Variants in TNIK observed in about 807,000 individuals in gnomAD.
TNIK encodes the protein TRAF2 and NCK interacting kinase.
Under a neutral mutation model 191.3 loss-of-function variants are expected in TNIK, and 49 were observed. The observed-to-expected ratio is 0.26, with a 90% CI of 0.20 to 0.32. TNIK has a LOEUF of 0.32. Ranked by LOEUF, TNIK falls within the 10% of genes least tolerant of loss-of-function variation. The pLI is 1.00. For synonymous variants in TNIK, 594 were observed against 600.9 expected, an observed-to-expected ratio of 0.99 and a Z score of 0.17; for missense variants, 1,155 against 1,702.3, an observed-to-expected ratio of 0.68 and a Z score of 5.66.
chr3:171,169,746 T>C (rs1277641236), intron 9 of TNIK, among the ~76,000 whole-genome samples: 1 of 152,240 alleles, frequency 6.6e-6, no homozygotes, highest in Non-Finnish European at 1.5e-5. Context: ...TGGAATAGTG[T>C]TCAAGTTTAA....
chr3:171,162,159 C>T (rs1577007133), intron 10 of TNIK, among the ~76,000 whole-genome samples: 2 of 152,004 alleles, frequency 1.3e-5, no homozygotes, highest in African/African-American at 2.4e-5. Flanking sequence ...CGGTGGTTCA[C>T]GCCTGTAATC....
At chr3:171,201,735 G>A (rs1449029429) in intron 4 of TNIK, among the ~76,000 whole-genome samples, 1 of 152,138 alleles carries the variant, frequency 6.6e-6, no homozygotes, top group Non-Finnish European at 1.5e-5. Flanking sequence ...AGTAAAGCTT[G>A]GGGATTTCAA....
At chr3:171,126,511 C>T (rs2108572833) in intron 16 of TNIK, among the ~76,000 whole-genome samples, 1 of 152,328 alleles carries the variant, frequency 6.6e-6, no homozygotes, top group Non-Finnish European at 1.5e-5. Context: ...AAACCCCTAA[C>T]TTTTACATTA....
chr3:171,208,320 C>T (rs762206167), intron 4 of TNIK, among the ~76,000 whole-genome samples: 1 of 150,432 alleles, frequency 6.6e-6, no homozygotes, highest in African/African-American at 2.5e-5. Flanking sequence ...GACCCTGTCT[C>T]TAAAAAAAAT....
At chr3:171,319,344 TA>T (rs1227378954) in intron 2 of TNIK, among the ~76,000 whole-genome samples, 42 of 152,318 alleles carry the variant, frequency 2.8e-4, no homozygotes, top group African/African-American at 9.6e-4. Flanking sequence ...ATTCTGCAGT[TA>T]AGTTCTAACC....
chr3:171,210,725 T>C (rs1191280680), intron 4 of TNIK, among the ~76,000 whole-genome samples: 1 of 152,126 alleles, frequency 6.6e-6, no homozygotes, highest in Non-Finnish European at 1.5e-5. Context: ...AAACCTTAGT[T>C]GCATCATTCA....
At chr3:171,123,510 A>G (rs1283563905) in intron 18 of TNIK, 86 bp downstream of exon 18, 1 of 1,168,720 alleles carries the variant, frequency 8.6e-7, no homozygotes, top group African/African-American at 1.6e-5. Flanking sequence ...TGAAGAGAAA[A>G]AAGAACACAG....
chr3:171,379,969 A>C (rs147185550), intron 1 of TNIK, among the ~76,000 whole-genome samples: 3,184 of 152,056 alleles, frequency 0.021, 129 homozygotes, highest in African/African-American at 0.074. Flanking sequence ...AGATCACGCC[A>C]CTGCACTCCA....
chr3:171,443,666 A>C (rs536123139), intron 1 of TNIK, among the ~76,000 whole-genome samples: 1 of 152,110 alleles, frequency 6.6e-6, no homozygotes, highest in East Asian at 1.9e-4. Flanking sequence ...AAAAAAAAAA[A>C]ATTTCAAAAA....
At chr3:171,447,202 T>C (rs1463101954) in intron 1 of TNIK, among the ~76,000 whole-genome samples, 2 of 147,272 alleles carry the variant, frequency 1.4e-5, no homozygotes, top group East Asian at 2.0e-4. Context: ...AACAAACAAA[T>C]AAATAAATAA....
chr3:171,343,229 C>A lies in TNIK; in HGVS notation c.123+26391G>T, dbSNP rs113777405. Among the ~76,000 whole-genome samples, 45 of 152,252 alleles carry A rather than the reference C, an allele frequency of 3.0e-4. 1 individual carries two copies. Among genetic ancestry groups the A allele is most frequent in the African/African-American group, 1.1e-3 (45 of 41,558 alleles). ...GGGTGAGCCGTTTACAGTAGAGAAA[C>A]CTGACAGTCACTGCTGCATCAGCCT... On this transcript the variant is annotated intron_variant, in intron 2 of 32. Transcript: ENST00000436636.
At chr3:171,333,999 T>C (rs1031101571) in intron 2 of TNIK, among the ~76,000 whole-genome samples, 1 of 152,174 alleles carries the variant, frequency 6.6e-6, no homozygotes, top group African/African-American at 2.4e-5. Context: ...GCCTTGTTTC[T>C]TCACCAGCTC....
rs190924856 is a variant in TNIK at position 171,313,918 on chromosome 3, G to A, written c.123+55702C>T. Among the ~76,000 whole-genome samples, 6 of 152,276 alleles carry A rather than the reference G, an allele frequency of 3.9e-5. No individual in the cohort carries two copies. In the East Asian group the frequency reaches 1.2e-3, roughly 29 times the overall value. On this transcript the variant is annotated intron_variant, in intron 2 of 32. Coordinates refer to ENST00000436636, the MANE Select transcript of TNIK (RefSeq NM_015028.4). ...CGGTATGACATCATCTGATAAGTGT[G>A]ATGCTCTATAGTCGTTGCCGGAATG...
intron 2 of TNIK, among the ~76,000 whole-genome samples, chr3:171,291,758 A>G (rs568751235): frequency 5.3e-5 from 8 of 152,294 alleles, no homozygotes; most frequent in Admixed American, 2.6e-4. Context: ...AGCTTTCTGC[A>G]TTTGTAAATT....
intron 1 of TNIK, among the ~76,000 whole-genome samples, chr3:171,407,103 A>C (rs1721797495): frequency 6.6e-6 from 1 of 152,134 alleles, no homozygotes; most frequent in South Asian, 2.1e-4. Flanking sequence ...AGAGCTGGGG[A>C]CTGGGGTCCG....
intron 2 of TNIK, among the ~76,000 whole-genome samples, chr3:171,297,470 AT>A (rs1752430219): frequency 6.6e-6 from 1 of 152,178 alleles, no homozygotes; most frequent in Non-Finnish European, 1.5e-5. Context: ...AACTAACTTT[AT>A]TGGCAACTCC....
intron 2 of TNIK, among the ~76,000 whole-genome samples, chr3:171,280,143 G>A (rs950490248): frequency 6.6e-6 from 1 of 152,106 alleles, no homozygotes; most frequent in Non-Finnish European, 1.5e-5. Context: ...GAATGGATGG[G>A]CACCACACCC....
At chr3:171,160,424 C>T (rs1733842147) in intron 11 of TNIK, among the ~76,000 whole-genome samples, 1 of 151,798 alleles carries the variant, frequency 6.6e-6, no homozygotes, top group Non-Finnish European at 1.5e-5. Context: ...ACTGATCCTT[C>T]TGGAGCATTA....
rs966242485 is a variant in TNIK, at chr3:171,159,670, G to A, written c.1016+1600C>T. 5.3e-5 allele frequency among the ~76,000 whole-genome samples: 8 copies of A among 152,246 alleles called. No individual in the cohort carries two copies. Among genetic ancestry groups the A allele is most frequent in the African/African-American group, 1.9e-4 (8 of 41,468 alleles). On this transcript the variant is annotated intron_variant, in intron 11 of 32. Coordinates refer to ENST00000436636, the MANE Select transcript of TNIK (RefSeq NM_015028.4). This position sits in a 1 kb window ranked among gnomAD's most constrained non-coding sequence, Gnocchi z 4.1. ...ATTGAATCAATGTCAGAAGATCTGA[G>A]CTGTGTTAGTGACTCAACCATTAAC... is the stretch of plus-strand genomic sequence containing the variant.
Sources: allele counts gnomAD v4.1 joint callset (sites outside exome capture counted in the v4.1 genomes callset), GRCh38; gene constraint gnomAD v4.1.1; non-coding constraint Gnocchi (gnomAD v3.1); transcripts MANE v1.5; gene names NCBI Gene and HGNC (gene_info 2026-07-23, HGNC 2026-07-21).